Variants in HUNK observed in about 807,000 individuals in gnomAD.
The protein encoded by HUNK is hormonally up-regulated Neu-associated kinase.
In HUNK, 21 loss-of-function variants were observed where a neutral mutation model predicts 61.0. That is an observed-to-expected ratio of 0.34 (90% CI 0.24 to 0.50). The LOEUF (loss-of-function observed/expected upper bound fraction) is 0.50, where lower values mean the gene tolerates loss of function less well. Ranked by LOEUF, HUNK falls within the 20% of genes least tolerant of loss-of-function variation. The pLI is 0.98. For synonymous variants in HUNK, 371 were observed against 386.1 expected, an observed-to-expected ratio of 0.96 and a Z score of 0.46; for missense variants, 772 against 945.7, an observed-to-expected ratio of 0.82 and a Z score of 2.41.
intron 1 of HUNK, among the ~76,000 whole-genome samples, chr21:31,922,323 C>A (rs998607504): frequency 4.7e-5 from 7 of 149,762 alleles, no homozygotes; most frequent in Admixed American, 4.0e-4. Context: ...AGCCTCTTAG[C>A]AGTTTTCTTT....
intron 1 of HUNK, among the ~76,000 whole-genome samples, chr21:31,898,260 G>T (rs2052439437): frequency 6.6e-6 from 1 of 152,036 alleles, no homozygotes; most frequent in Admixed American, 6.6e-5. Context: ...TATACTTTGT[G>T]GGTATTTATT....
At chr21:31,928,844 T>G (rs2052678609) in intron 2 of HUNK, among the ~76,000 whole-genome samples, 1 of 152,262 alleles carries the variant, frequency 6.6e-6, no homozygotes, top group African/African-American at 2.4e-5. Flanking sequence ...TTCTCCTTTA[T>G]GCTGCAAAGG....
chr21:31,979,674 C>T (rs2053079985), intron 7 of HUNK, among the ~76,000 whole-genome samples: 3 of 151,386 alleles, frequency 2.0e-5, no homozygotes, highest in Admixed American at 1.3e-4. Context: ...TGCCACCTCA[C>T]CTGGCTAATT....
At position 31,999,382 on chromosome 21, in the gene HUNK, T is replaced by C. The variant is rs2053230961; in HGVS notation, c.*198T>C. 2 of 548,130 alleles carry C rather than the reference T, an allele frequency of 3.6e-6. No individual in the cohort carries two copies. The highest frequency in any genetic ancestry group is 3.5e-5 in the Admixed American group (1 of 28,188). The allele number at this position is 548,130 out of a possible 1,614,324, so 34.0% of individuals were successfully genotyped here. On this transcript the variant is annotated 3_prime_UTR_variant, in exon 11 of 11. Coordinates refer to ENST00000270112, the MANE Select transcript of HUNK (RefSeq NM_014586.2). ...GAGATGCTGGAATCGCTAGGAGGGTTGGCTCCAGGGGCAGCCAATTCCTAT... is the reference window on the plus strand; with the variant it reads ...GAGATGCTGGAATCGCTAGGAGGGTCGGCTCCAGGGGCAGCCAATTCCTAT...
At position 31,886,950 on chromosome 21, in the gene HUNK, G is replaced by A. The variant is rs371896918; in HGVS notation, c.261+13015G>A. Among the ~76,000 whole-genome samples, 10 of 152,264 alleles carry A rather than the reference G, an allele frequency of 6.6e-5. No individual in the cohort carries two copies. In the East Asian group the frequency reaches 1.9e-3, roughly 29 times the overall value. On this transcript the variant is annotated intron_variant, in intron 1 of 10. Transcript: ENST00000270112. ...CGTGCCCGGCCAGAAAATATTTTAT[G>A]AATGGATCCAAGCATGGTTTGATCT...
At chr21:31,900,682 T>C (rs1170081051) in intron 1 of HUNK, among the ~76,000 whole-genome samples, 1 of 152,226 alleles carries the variant, frequency 6.6e-6, no homozygotes, top group Non-Finnish European at 1.5e-5. Flanking sequence ...AGTTAATCAG[T>C]ACTCTGGAAG....
intron 2 of HUNK, among the ~76,000 whole-genome samples, chr21:31,931,916 A>ACG (rs1292586425): frequency 1.3e-5 from 2 of 152,002 alleles, no homozygotes; most frequent in East Asian, 1.9e-4. Context: ...TGATGCATGC[A>ACG]CGCGCGCACA....
At chr21:31,877,519 C>T (rs77573809) in intron 1 of HUNK, among the ~76,000 whole-genome samples, 2,937 of 152,208 alleles carry the variant, frequency 0.019, 105 homozygotes, top group African/African-American at 0.066. Flanking sequence ...AGATGGCTTG[C>T]GGCTGAGACC....
intron 7 of HUNK, among the ~76,000 whole-genome samples, 193 bp from the exon 8 acceptor site, chr21:31,983,333 C>T (rs1209165186): frequency 6.6e-6 from 1 of 152,190 alleles, no homozygotes; most frequent in Non-Finnish European, 1.5e-5. Flanking sequence ...CCTGACTCTG[C>T]GCCCAGGGCT....
At chr21:31,939,855 C>G (rs2123827313) in intron 2 of HUNK, among the ~76,000 whole-genome samples, 1 of 152,084 alleles carries the variant, frequency 6.6e-6, no homozygotes, top group Non-Finnish European at 1.5e-5. Context: ...TCCTCTCTCC[C>G]CACACCCTGG....
rs376391627 is a variant in HUNK at position 31,995,979 on chromosome 21, A to G, written c.1486+31A>G. The G allele has an allele frequency of 4.5e-6, 7 of 1,563,342 alleles. No homozygotes were observed. The Middle Eastern group carries it at 5.3e-4, about 117-fold the overall frequency. ...TCAGCTCTGGGGACTCTCTCAGGCC[A>G]CTCGTGTTGGGCTGTGTGTCCGCTG... On this transcript the variant is annotated intron_variant, in intron 10 of 10. Coordinates refer to ENST00000270112, the MANE Select transcript of HUNK (RefSeq NM_014586.2).
At position 31,974,488 on chromosome 21, in the gene HUNK, AG is replaced by A. The variant is rs565193667; in HGVS notation, c.1011-62del. 480 of 1,428,316 alleles carry A rather than the reference AG, an allele frequency of 3.4e-4. 5 individuals carry two copies. In the South Asian group the frequency reaches 5.1e-3, roughly 15 times the overall value. The allele number at this position is 1,428,316 out of a possible 1,614,324, so 88.5% of individuals were successfully genotyped here. On this transcript the variant is annotated intron_variant, in intron 6 of 10. Transcript: ENST00000270112. The stretch of plus-strand genomic sequence containing the variant: ...TGAATGAATGAAGCTGATTGTGCCC[AG>A]GGGGTCTGTGTGGGGCTCTCCGTGA...
At chr21:31,998,006 T>C (rs1437116605) in intron 10 of HUNK, among the ~76,000 whole-genome samples, 1 of 152,054 alleles carries the variant, frequency 6.6e-6, no homozygotes, top group Non-Finnish European at 1.5e-5. Context: ...CAGCCTCCAC[T>C]TCCCAGGCTC....
At chr21:31,968,715 AGTGTGTGTGTGTGTGTGT>A (rs746064468) in intron 6 of HUNK, among the ~76,000 whole-genome samples, 2 of 88,260 alleles carry the variant, frequency 2.3e-5, no homozygotes, top group Admixed American at 2.2e-4. Context: ...CTGTGGCCCG[AGTGTGTGTGTGTGTGTGT>A]GTGTGTGTGT....
At chr21:31,929,729 G>C (rs1229019975) in intron 2 of HUNK, among the ~76,000 whole-genome samples, 3 of 152,234 alleles carry the variant, frequency 2.0e-5, no homozygotes, top group Non-Finnish European at 4.4e-5. Flanking sequence ...GGGAGCCCGA[G>C]CCTGAGCTCG....
chr21:31,929,932 T>C (rs2052685489), intron 2 of HUNK, among the ~76,000 whole-genome samples: 1 of 152,250 alleles, frequency 6.6e-6, no homozygotes, highest in Non-Finnish European at 1.5e-5. Context: ...TTTCAGGTTT[T>C]CTTGGATTTC....
At position 31,924,900 on chromosome 21, in the gene HUNK, T is replaced by C. The variant is rs894569964; in HGVS notation, c.554+140T>C. The C allele has an allele frequency of 2.8e-6, 2 of 714,238 alleles. No individual in the cohort carries two copies. The highest frequency in any genetic ancestry group is 4.2e-6 in the Non-Finnish European group (2 of 472,050). 44.2% of individuals were successfully genotyped at this position (714,238 alleles called of 1,614,324 possible). A position where few individuals can be genotyped will look rare whatever the true frequency, so the allele number is the denominator to read the frequency against. ...TTGTCTATATTTTAATTTTATTTAT[T>C]TGTTTATTTTTTTGAGACGGAGTTT... On this transcript the variant is annotated intron_variant, in intron 2 of 10. Coordinates refer to ENST00000270112, the MANE Select transcript of HUNK (RefSeq NM_014586.2). The surrounding 1 kb of genome is among the most constrained non-coding windows in gnomAD (Gnocchi z 5.1).
At chr21:31,979,515 CTTTTTTTTTTTTTTT>C (rs71193166) in intron 7 of HUNK, among the ~76,000 whole-genome samples, 9 of 34,352 alleles carry the variant, frequency 2.6e-4, no homozygotes, top group East Asian at 2.4e-3. Context: ...TGTTTGCATT[CTTTTTTTTTTTTTTT>C]TTTTTTTTTT....
At position 31,957,589 on chromosome 21, in the gene HUNK, G is replaced by A. The variant is rs114987467; in HGVS notation, c.747-1254G>A. On this transcript the variant is annotated intron_variant, in intron 4 of 10. Coordinates refer to ENST00000270112, the MANE Select transcript of HUNK (RefSeq NM_014586.2). ...GTTTTTAAAGTATATTCCCTTGGGC[G>A]CTTTTGAACACTTGAGACCTCTTGG... 2.8e-3 allele frequency among the ~76,000 whole-genome samples: 427 copies of A among 152,216 alleles called. 1 individual carries two copies. Among genetic ancestry groups the A allele is most frequent in the African/African-American group, 9.6e-3 (400 of 41,520 alleles).
Sources: gnomAD v4.1 joint callset for allele counts (sites outside exome capture counted in the v4.1 genomes callset) on GRCh38, gnomAD v4.1.1 for gene constraint, Gnocchi (gnomAD v3.1) non-coding constraint, MANE v1.5 for transcripts, NCBI Gene and HGNC (gene_info 2026-07-23, HGNC 2026-07-21) for gene names.